Variants in IFNG-AS1 observed in about 807,000 individuals in gnomAD.
IFNG-AS1 encodes IFNG regulatory antisense RNA 1.
chr12:68,008,550 A>G (rs192156905), intron 3 of IFNG-AS1, among the ~76,000 whole-genome samples: 5 of 152,344 alleles, frequency 3.3e-5, no homozygotes, highest in Admixed American at 2.6e-4. Context: ...GAAAGAATCA[A>G]ATTCCAAGGT....
At chr12:67,998,480 T>C (rs1460899720) in intron 2 of IFNG-AS1, among the ~76,000 whole-genome samples, 1 of 147,150 alleles carries the variant, frequency 6.8e-6, no homozygotes, top group Non-Finnish European at 1.5e-5. Context: ...CACAAAAAGG[T>C]TAACCCAGGA....
intron 3 of IFNG-AS1, among the ~76,000 whole-genome samples, chr12:68,018,746 AC>A (rs1332613790): frequency 2.0e-5 from 3 of 150,826 alleles, no homozygotes; most frequent in Admixed American, 6.6e-5. Context: ...TTGAGTCCTT[AC>A]TTTTTTTTTA....
chr12:67,991,033 A>T (rs180710239), intron 1 of IFNG-AS1, among the ~76,000 whole-genome samples: 1 of 152,336 alleles, frequency 6.6e-6, no homozygotes, highest in East Asian at 1.9e-4. Flanking sequence ...AGTTTCAAAC[A>T]AGTTGCTGTC....
intron 2 of IFNG-AS1, chr12:68,001,377 A>G (rs1221525720): frequency 5.0e-6 from 1 of 200,090 alleles, no homozygotes; most frequent in African/African-American, 2.3e-5. Flanking sequence ...TCTGAGTGCC[A>G]TCTCATGTGC....
chr12:68,000,136 A>T (rs939370969), intron 2 of IFNG-AS1, among the ~76,000 whole-genome samples: 1 of 152,188 alleles, frequency 6.6e-6, no homozygotes, highest in African/African-American at 2.4e-5. Context: ...TGATTTTGAA[A>T]ATTATACTGT....
chr12:68,011,177 T>C (rs927436801), intron 3 of IFNG-AS1, among the ~76,000 whole-genome samples: 1 of 152,190 alleles, frequency 6.6e-6, no homozygotes, highest in Non-Finnish European at 1.5e-5. Flanking sequence ...GAGGCATATA[T>C]AAAATAAATA....
intron 2 of IFNG-AS1, among the ~76,000 whole-genome samples, chr12:68,005,727 A>T (rs896656038): frequency 3.9e-5 from 6 of 152,034 alleles, no homozygotes; most frequent in Admixed American, 6.6e-5. Context: ...GGCAGATACT[A>T]AGCAATATGC....
intron 3 of IFNG-AS1, among the ~76,000 whole-genome samples, chr12:68,010,660 T>A (rs1300225757): frequency 6.6e-6 from 1 of 152,188 alleles, no homozygotes. Context: ...TGGCTCCCCA[T>A]GTGCTCAATT....
chr12:68,003,159 T>G (rs886494114), intron 2 of IFNG-AS1, among the ~76,000 whole-genome samples: 1 of 152,238 alleles, frequency 6.6e-6, no homozygotes, highest in African/African-American at 2.4e-5. Flanking sequence ...ATCTCATTAT[T>G]TCATTTCTAC....
chr12:68,014,756 T>C (rs1328931014), intron 3 of IFNG-AS1, among the ~76,000 whole-genome samples: 1 of 151,096 alleles, frequency 6.6e-6, no homozygotes, highest in Non-Finnish European at 1.5e-5. Context: ...CACAATCACA[T>C]ACACCAGTTC....
At chr12:68,008,612 T>A (rs1001461010) in intron 3 of IFNG-AS1, among the ~76,000 whole-genome samples, 1 of 152,128 alleles carries the variant, frequency 6.6e-6, no homozygotes, top group Non-Finnish European at 1.5e-5. Context: ...GGATGGCTCA[T>A]GGTGAGGTTG....
intron 1 of IFNG-AS1, among the ~76,000 whole-genome samples, chr12:67,994,255 G>A (rs922339182): frequency 6.6e-6 from 1 of 152,230 alleles, no homozygotes; most frequent in Non-Finnish European, 1.5e-5. Flanking sequence ...AGTAGAGGGA[G>A]CTATAACAGA....
chr12:68,013,779 T>G (rs1565691988), intron 3 of IFNG-AS1: 1 of 152,228 alleles, frequency 6.6e-6, no homozygotes, highest in Non-Finnish European at 1.5e-5. Flanking sequence ...AAGAAGGAAT[T>G]CTGCCAGCAC....
At chr12:67,993,930 T>A (rs1281164237) in intron 1 of IFNG-AS1, among the ~76,000 whole-genome samples, 2 of 152,234 alleles carry the variant, frequency 1.3e-5, no homozygotes, top group African/African-American at 4.8e-5. Context: ...TGTACAAGTA[T>A]GTCTAAATGG....
rs1179052561 is a variant in IFNG-AS1 at position 68,017,936 on chromosome 12, C to A, written n.242-1926C>A. ...CTTATAAAACATTTGGAGTACTTCC[C>A]AGCTACTATTTTTAGATTATTCACT... is the stretch of plus-strand genomic sequence containing the variant. On this transcript the variant is annotated intron_variant and non_coding_transcript_variant, in intron 3 of 5. Coordinates refer to ENST00000536914, the Ensembl canonical transcript of IFNG-AS1. Among the ~76,000 whole-genome samples the A allele has an allele frequency of 3.9e-5, 6 of 152,194 alleles. No individual in the cohort carries two copies. The East Asian group carries it at 1.2e-3, about 29-fold the overall frequency.
chr12:68,008,405 G>A (rs951242220), intron 3 of IFNG-AS1, among the ~76,000 whole-genome samples: 1 of 84,530 alleles, frequency 1.2e-5, no homozygotes, highest in African/African-American at 5.0e-5. Context: ...GACAGCACGA[G>A]ACACCATCTC....
intron 3 of IFNG-AS1, among the ~76,000 whole-genome samples, chr12:68,006,728 C>T (rs1879914195): frequency 6.6e-6 from 1 of 152,332 alleles, no homozygotes; most frequent in East Asian, 1.9e-4. Flanking sequence ...GAAAGAGATT[C>T]TCCTGCTGGC....
chr12:67,999,515 T>G (rs1298285228), intron 2 of IFNG-AS1, among the ~76,000 whole-genome samples: 1 of 152,134 alleles, frequency 6.6e-6, no homozygotes, highest in East Asian at 1.9e-4. Context: ...AGAAGCCAAC[T>G]TGAAGGGGCC....
At chr12:68,016,728 A>T (rs903471556) in intron 3 of IFNG-AS1, among the ~76,000 whole-genome samples, 1 of 152,168 alleles carries the variant, frequency 6.6e-6, no homozygotes, top group Non-Finnish European at 1.5e-5. Flanking sequence ...AAGTGGAATC[A>T]CTTAAATGAT....
Sources: allele counts gnomAD v4.1 joint callset (sites outside exome capture counted in the v4.1 genomes callset), GRCh38; gene constraint gnomAD v4.1.1; transcripts MANE v1.5; gene names NCBI Gene and HGNC (gene_info 2026-07-23, HGNC 2026-07-21).